The following ERC2 variants were observed in gnomAD, a reference collection of about 807,000 sequenced individuals.
ERC2 encodes ELKS/RAB6-interacting/CAST family member 2, also known as ERC protein 2.
In ERC2, 42 loss-of-function variants were observed where a neutral mutation model predicts 114.8. The ratio of observed to expected loss-of-function variants is 0.37; its 90% CI spans 0.29 to 0.47. The LOEUF is 0.47. Among genes scored for constraint, ERC2 ranks in the 20% least tolerant of loss-of-function variants. ERC2 has a pLI of 0.99. For synonymous variants in ERC2, 454 were observed against 425.5 expected, an observed-to-expected ratio of 1.07 and a Z score of -0.82; for missense variants, 939 against 1,150.7, an observed-to-expected ratio of 0.82 and a Z score of 2.66.
At chr3:55,910,437 A>C (rs1034049076) in intron 13 of ERC2, among the ~76,000 whole-genome samples, 6 of 152,112 alleles carry the variant, frequency 3.9e-5, no homozygotes, top group Admixed American at 2.6e-4. Flanking sequence ...AACAAAAGAA[A>C]GCAAGAAAAA....
At chr3:55,827,780 G>A (rs955224833) in intron 14 of ERC2, among the ~76,000 whole-genome samples, 2 of 152,162 alleles carry the variant, frequency 1.3e-5, no homozygotes, top group African/African-American at 4.8e-5. Context: ...ACTGACAAAC[G>A]CTTGGACTTA....
At chr3:56,297,355 T>C (rs188018545) in intron 2 of ERC2, among the ~76,000 whole-genome samples, 2 of 152,242 alleles carry the variant, frequency 1.3e-5, no homozygotes, top group East Asian at 3.9e-4. Context: ...CCACCTTTTG[T>C]TTTCCTAAAT....
At chr3:56,204,178 G>C (rs13097694) in intron 3 of ERC2, among the ~76,000 whole-genome samples, 69,161 of 151,944 alleles carry the variant, frequency 0.46, 16,231 homozygotes, top group East Asian at 0.71. Flanking sequence ...GACAGAAAGA[G>C]ACTCTGTCTC....
intron 3 of ERC2, among the ~76,000 whole-genome samples, chr3:56,196,490 CT>C (rs2048112282): frequency 6.8e-6 from 1 of 146,244 alleles, no homozygotes; most frequent in Non-Finnish European, 1.5e-5. Flanking sequence ...ACTTTCTTGC[CT>C]TCTTTTTTTT....
chr3:55,839,990 T>G lies in ERC2; in HGVS notation c.2564+48399A>C, dbSNP rs554239836. 5.9e-5 allele frequency among the ~76,000 whole-genome samples: 9 copies of G among 152,062 alleles called. No homozygotes were observed. The South Asian group carries it at 1.5e-3, about 25-fold the overall frequency. On this transcript the variant is annotated intron_variant, in intron 14 of 17. Coordinates refer to ENST00000288221, the MANE Select transcript of ERC2 (RefSeq NM_015576.3). Reference sequence around the variant, plus strand: ...AGAAATAGGAAAAAAAGTAAAAAGCTGGAAAAATAAATATACTAACACTAA... The same window carrying G: ...AGAAATAGGAAAAAAAGTAAAAAGCGGGAAAAATAAATATACTAACACTAA...
chr3:56,354,390 C>T (rs954530580), intron 2 of ERC2, among the ~76,000 whole-genome samples: 2 of 152,082 alleles, frequency 1.3e-5, no homozygotes, highest in Non-Finnish European at 2.9e-5. Context: ...CAATTTTGCT[C>T]CCAGGAGACA....
intron 3 of ERC2, among the ~76,000 whole-genome samples, chr3:56,223,249 C>A (rs532759365): frequency 1.4e-4 from 22 of 152,264 alleles, no homozygotes; most frequent in Admixed American, 1.0e-3. Flanking sequence ...CCAAGTAAGT[C>A]AGTATGAATG....
At chr3:55,853,124 G>GACAGC (rs1171917944) in intron 14 of ERC2, among the ~76,000 whole-genome samples, 7 of 152,180 alleles carry the variant, frequency 4.6e-5, no homozygotes, top group African/African-American at 1.7e-4. Context: ...GAGAACTCCT[G>GACAGC]ATCTAAGGTG....
In ERC2 at chr3:56,332,857, T is replaced by C. The variant is rs114296694; in HGVS notation, c.658-36422A>G. ...CTAGGAATCAGATCCAAGGAGATAA[T>C]CTGAGAGACACTTTTCAATGGGGTT... On this transcript the variant is annotated intron_variant, in intron 2 of 17. Coordinates refer to ENST00000288221, the MANE Select transcript of ERC2 (RefSeq NM_015576.3). 4.4e-3 allele frequency among the ~76,000 whole-genome samples: 663 copies of C among 152,178 alleles called. 4 individuals carry two copies. Among genetic ancestry groups the C allele is most frequent in the African/African-American group, 0.015 (640 of 41,498 alleles).
At chr3:56,011,231 T>G (rs1183592312) in intron 8 of ERC2, among the ~76,000 whole-genome samples, 3 of 152,238 alleles carry the variant, frequency 2.0e-5, no homozygotes, top group Non-Finnish European at 4.4e-5. Flanking sequence ...TCCAAAACAC[T>G]GGCTGAGTTT....
intron 17 of ERC2, among the ~76,000 whole-genome samples, chr3:55,581,073 G>GTTA (rs1406092149): frequency 6.6e-6 from 1 of 152,172 alleles, no homozygotes; most frequent in Non-Finnish European, 1.5e-5. Flanking sequence ...GCCTGTTTCA[G>GTTA]GAGCCCAAAT....
chr3:55,574,007 C>T (rs577961278), intron 17 of ERC2, among the ~76,000 whole-genome samples: 21 of 152,288 alleles, frequency 1.4e-4, no homozygotes, highest in African/African-American at 5.1e-4. Flanking sequence ...TGCATTTGTA[C>T]AGAGATTAAA....
At chr3:55,792,948 C>G (rs6799647) in intron 14 of ERC2, among the ~76,000 whole-genome samples, 2,894 of 152,300 alleles carry the variant, frequency 0.019, 100 homozygotes, top group African/African-American at 0.066. Context: ...TATTGTGTTT[C>G]CTGACAACGG....
At chr3:55,659,419 C>T (rs2061021048) in intron 17 of ERC2, 1 of 152,216 alleles carries the variant, frequency 6.6e-6, no homozygotes, top group African/African-American at 2.4e-5. Flanking sequence ...CGAACAAACC[C>T]CGTGGCCCCT....
At chr3:56,366,511 C>T (rs569228128) in intron 2 of ERC2, among the ~76,000 whole-genome samples, 5 of 152,320 alleles carry the variant, frequency 3.3e-5, no homozygotes, top group African/African-American at 9.6e-5. Flanking sequence ...GCTGTCAGGT[C>T]TGTGACAACG....
rs534561486 is a variant in ERC2, at chr3:56,025,369, T to C, written c.1642-6338A>G. On this transcript the variant is annotated intron_variant, in intron 7 of 17. Transcript: ENST00000288221. Reference sequence around the variant, plus strand: ...GGCATGGCCTGATTGGTTTTTCTGCTGAGGGTCTCACAAAGCTAATATAAA... The same window carrying C: ...GGCATGGCCTGATTGGTTTTTCTGCCGAGGGTCTCACAAAGCTAATATAAA... Among the ~76,000 whole-genome samples the C allele has an allele frequency of 3.6e-3, 544 of 152,340 alleles. 2 individuals are homozygous for C. The highest frequency in any genetic ancestry group is 5.0e-3 in the Non-Finnish European group (342 of 68,030).
intron 13 of ERC2, among the ~76,000 whole-genome samples, chr3:55,900,662 T>C (rs1023720385): frequency 1.3e-5 from 2 of 152,200 alleles, no homozygotes; most frequent in South Asian, 2.1e-4. Context: ...CCTTGAACAA[T>C]AGGGAGTGGC....
At chr3:56,311,868 T>C (rs563736504) in intron 2 of ERC2, among the ~76,000 whole-genome samples, 78 of 151,654 alleles carry the variant, frequency 5.1e-4, no homozygotes, top group Non-Finnish European at 7.8e-4. Flanking sequence ...TATAAAATTA[T>C]ATACAATTGG....
At chr3:55,579,692 G>A (rs144685694) in intron 17 of ERC2, among the ~76,000 whole-genome samples, 22 of 152,302 alleles carry the variant, frequency 1.4e-4, no homozygotes, top group African/African-American at 4.8e-4. Context: ...TGGTGTGCAC[G>A]GCAGAAATGA....
Sources: allele counts gnomAD v4.1 joint callset (sites outside exome capture counted in the v4.1 genomes callset), GRCh38; gene constraint gnomAD v4.1.1; transcripts MANE v1.5; gene names NCBI Gene and HGNC (gene_info 2026-07-23, HGNC 2026-07-21).